Variants in KCTD16 observed in about 807,000 individuals in gnomAD.
The protein encoded by KCTD16 is potassium channel tetramerization domain containing 16.
A neutral mutation model predicts 33.2 loss-of-function variants in KCTD16; 13 were observed. The observed-to-expected ratio is 0.39, with a 90% CI of 0.25 to 0.62. The LOEUF (loss-of-function observed/expected upper bound fraction) is 0.62, where lower values mean the gene tolerates loss of function less well. Among genes scored for constraint, KCTD16 ranks in the 20% least tolerant of loss-of-function variants. The probability of loss-of-function intolerance (pLI) is 0.50; values close to 1 mark genes in which losing one functional copy is unlikely to be tolerated. For synonymous variants in KCTD16, 197 were observed against 195.3 expected (o/e 1.01, Z -0.07); for missense variants, 441 against 525.1 (o/e 0.84, Z 1.57).
At chr5:144,276,974 A>G (rs1042554430) in intron 3 of KCTD16, among the ~76,000 whole-genome samples, 10 of 152,194 alleles carry the variant, frequency 6.6e-5, no homozygotes, top group African/African-American at 2.4e-4. Context: ...AAATTATAAC[A>G]TAATGACAGT....
At chr5:144,423,699 C>A (rs1384976057) in intron 3 of KCTD16, among the ~76,000 whole-genome samples, 2 of 151,920 alleles carry the variant, frequency 1.3e-5, no homozygotes, top group Non-Finnish European at 2.9e-5. Context: ...TTGAACTAAC[C>A]CAGTGGAGAT....
Position 144,207,152 on chromosome 5 carries a change from C to A in KCTD16, c.438C>A (p.Ser146Arg), listed in dbSNP as rs147117374. The A allele has an allele frequency of 6.2e-7, 1 of 1,611,422 alleles. No individual in the cohort carries two copies. The highest frequency in any genetic ancestry group is 8.5e-7 in the Non-Finnish European group (1 of 1,179,000). ...ACTTTGAAGATGCCTCCCAAGGAAG[C>A]GACACAAGAATCTGCCCCCCTTCCT... ...HSDFEDASQGSDTRICPPSSL... is the reference protein window; with the variant it reads ...HSDFEDASQGRDTRICPPSSL... The change falls in exon 3 of 4, where the codon AGC becomes AGA. Residue 146 changes from serine (S) to arginine (R), a missense_variant. Physicochemically the swap from Ser to Arg is moderately radical, Grantham distance 110 (BLOSUM62 -1). Transcript: ENST00000512467.
In KCTD16 at chr5:144,225,552, TTGTGTGTGTG is replaced by T. The variant is rs10550980; in HGVS notation, c.832+18042_832+18051del. 4.6e-3 allele frequency among the ~76,000 whole-genome samples: 636 copies of T among 138,316 alleles called. 3 individuals carry two copies. Among genetic ancestry groups the T allele is most frequent in the African/African-American group, 0.014 (514 of 37,950 alleles). 90.7% of individuals were successfully genotyped at this position (138,316 alleles called of 152,430 possible). ...CACCACATACCTAAGCAAAAATAAA[TTGTGTGTGTG>T]TGTGTGTGTGTGTGTGTGTGTGTGT... On this transcript the variant is annotated intron_variant, in intron 3 of 3. Coordinates refer to ENST00000512467, the MANE Select transcript of KCTD16 (RefSeq NM_020768.4).
At chr5:144,200,341 T>A (rs1753019994) in intron 2 of KCTD16, among the ~76,000 whole-genome samples, 1 of 152,170 alleles carries the variant, frequency 6.6e-6, no homozygotes, top group Admixed American at 6.5e-5. Flanking sequence ...TGGCTGAACA[T>A]CTGCTATGAA....
At chr5:144,470,283 T>C (rs1312334784) in intron 3 of KCTD16, among the ~76,000 whole-genome samples, 1 of 152,172 alleles carries the variant, frequency 6.6e-6, no homozygotes, top group Non-Finnish European at 1.5e-5. Flanking sequence ...AGCTTACATG[T>C]GTCATTTCTG....
At chr5:144,380,323 A>G (rs1418969337) in intron 3 of KCTD16, among the ~76,000 whole-genome samples, 2 of 152,110 alleles carry the variant, frequency 1.3e-5, no homozygotes, top group African/African-American at 4.8e-5. Context: ...ACAAAACACC[A>G]CTGAAAAAAA....
chr5:144,370,352 G>T (rs1751941150), intron 3 of KCTD16, among the ~76,000 whole-genome samples: 1 of 152,174 alleles, frequency 6.6e-6, no homozygotes, highest in African/African-American at 2.4e-5. Flanking sequence ...AAGGATAAAT[G>T]AGTGTGATTT....
intron 3 of KCTD16, among the ~76,000 whole-genome samples, chr5:144,444,208 C>G (rs554750307): frequency 2.0e-5 from 3 of 150,022 alleles, no homozygotes; most frequent in Non-Finnish European, 2.9e-5. Context: ...AACCCCTCCC[C>G]CCTCCACACA....
chr5:144,362,822 C>G (rs1751746391), intron 3 of KCTD16, among the ~76,000 whole-genome samples: 1 of 152,132 alleles, frequency 6.6e-6, no homozygotes, highest in Non-Finnish European at 1.5e-5. Flanking sequence ...AGGCAAATGA[C>G]TTCATCAGCC....
At position 144,222,241 on chromosome 5, in the gene KCTD16, G is replaced by A. The variant is rs575836802; in HGVS notation, c.832+14695G>A. ...CAGTTCTAACTGCTTTTTTTAGAGA[G>A]TTGCAAAAGCATTTATATATCAATG... On this transcript the variant is annotated intron_variant, in intron 3 of 3. Coordinates refer to ENST00000512467, the MANE Select transcript of KCTD16 (RefSeq NM_020768.4). 8.4e-4 allele frequency among the ~76,000 whole-genome samples: 128 copies of A among 152,024 alleles called. 1 individual carries two copies. Among genetic ancestry groups the A allele is most frequent in the South Asian group, 3.3e-3 (16 of 4,812 alleles).
intron 3 of KCTD16, among the ~76,000 whole-genome samples, chr5:144,325,300 A>G (rs1055782762): frequency 3.3e-5 from 5 of 152,136 alleles, no homozygotes; most frequent in Non-Finnish European, 5.9e-5. Context: ...ACTCCTTTCT[A>G]GCCTGTTTGG....
chr5:144,407,945 T>C (rs1340672162), intron 3 of KCTD16, among the ~76,000 whole-genome samples: 2 of 152,260 alleles, frequency 1.3e-5, no homozygotes, highest in African/African-American at 2.4e-5. Context: ...AGTCTATCAT[T>C]GATAGGCATT....
chr5:144,456,757 T>A (rs1165795446), intron 3 of KCTD16, among the ~76,000 whole-genome samples: 41 of 132,160 alleles, frequency 3.1e-4, no homozygotes, highest in African/African-American at 1.4e-3. Context: ...CACAGAACTC[T>A]TTTTTTTTTT....
intron 3 of KCTD16, among the ~76,000 whole-genome samples, chr5:144,381,734 G>A (rs1253331206): frequency 2.6e-5 from 4 of 152,132 alleles, no homozygotes; most frequent in Non-Finnish European, 5.9e-5. Flanking sequence ...CCTCTCACCA[G>A]TCCCCACCTC....
intron 3 of KCTD16, among the ~76,000 whole-genome samples, chr5:144,432,094 C>A (rs1282382845): frequency 2.0e-5 from 3 of 152,122 alleles, no homozygotes; most frequent in Non-Finnish European, 4.4e-5. Context: ...ATGCACCTTG[C>A]AAACAGATGC....
chr5:144,399,775 C>G (rs1211558772), intron 3 of KCTD16, among the ~76,000 whole-genome samples: 1 of 152,130 alleles, frequency 6.6e-6, no homozygotes, highest in Non-Finnish European at 1.5e-5. Context: ...CTCTGCCCTT[C>G]TGGAACCAAA....
chr5:144,471,256 C>A (rs1314578061), intron 3 of KCTD16, among the ~76,000 whole-genome samples: 1 of 152,118 alleles, frequency 6.6e-6, no homozygotes, highest in African/African-American at 2.4e-5. Flanking sequence ...CTTCTGGGTC[C>A]ATTGAATGAA....
intron 3 of KCTD16, among the ~76,000 whole-genome samples, chr5:144,399,640 A>T (rs533866618): frequency 3.3e-5 from 5 of 152,346 alleles, no homozygotes; most frequent in African/African-American, 1.2e-4. Context: ...AAATACATTC[A>T]TTGTAATCTT....
At chr5:144,456,188 C>G (rs1297752614) in intron 3 of KCTD16, among the ~76,000 whole-genome samples, 1 of 138,942 alleles carries the variant, frequency 7.2e-6, no homozygotes, top group African/African-American at 2.9e-5. Flanking sequence ...TATATATTTT[C>G]TGTCTCCCCT....
Sources: allele counts gnomAD v4.1 joint callset (sites outside exome capture counted in the v4.1 genomes callset), GRCh38; gene constraint gnomAD v4.1.1; transcripts MANE v1.5; gene names NCBI Gene and HGNC (gene_info 2026-07-23, HGNC 2026-07-21).